BAIAP3: variants seen among roughly 807,000 people sequenced by gnomAD.
BAIAP3 encodes BAI1-associated protein 3.
Under a neutral mutation model 149.7 loss-of-function variants are expected in BAIAP3, and 180 were observed. The observed-to-expected ratio is 1.20, with a 90% confidence interval of 1.07 to 1.36. BAIAP3 has a LOEUF of 1.36. Ranked by LOEUF, BAIAP3 falls within the 40% of genes most tolerant of loss-of-function variation. The probability of loss-of-function intolerance (pLI) is 0.00; values close to 1 mark genes in which losing one functional copy is unlikely to be tolerated. For missense variants in BAIAP3, 1,767 were observed against 1,563.4 expected, an observed-to-expected ratio of 1.13 and a Z score of -2.20; for synonymous variants, 845 against 670.7, an observed-to-expected ratio of 1.26 and a Z score of -4.02.
rs111634777 is a variant in BAIAP3, at chr16:1,347,564, G to A, written c.2843G>A (p.Arg948Gln). 8.4e-5 allele frequency: 135 copies of A among 1,611,028 alleles called. 1 individual carries two copies. Among genetic ancestry groups the A allele is most frequent in the African/African-American group, 1.5e-4 (11 of 74,996 alleles). The change falls in exon 30 of 34, where the codon CGG (arginine) becomes CAG (glutamine). Residue 948 changes from arginine (R) to glutamine (Q), a missense_variant. Physicochemically the swap from Arg to Gln is conservative, Grantham distance 43. Transcript: ENST00000426824. ...GSYKRLKEEL[R>Q]LHKCSTRECI... ...CTGCAGAGGCTGAAGGAGGAGCTGC[G>A]GCTGCACAAATGTTCCACCCGCGAG...
At chr16:1,345,414 G>A (rs1567169493) in intron 22 of BAIAP3, 42 bp downstream of exon 22, 1 of 1,543,552 alleles carries the variant, frequency 6.5e-7, no homozygotes, top group Non-Finnish European at 8.8e-7. Context: ...GCTGGTCCAG[G>A]CCCCCAGCCT....
chr16:1,338,170 C>T (rs2033597223), intron 1 of BAIAP3, among the ~76,000 whole-genome samples: 1 of 152,132 alleles, frequency 6.6e-6, no homozygotes, highest in Admixed American at 6.5e-5. Flanking sequence ...ACAGGCGCCT[C>T]CTGCTGTGCT....
Position 1,347,553 on chromosome 16 carries a change from G to A in BAIAP3, c.2832G>A (p.Lys944=), listed in dbSNP as rs1290822474. 5.0e-6 allele frequency: 8 copies of A among 1,608,718 alleles called. No homozygotes were observed. The highest frequency in any genetic ancestry group is 3.3e-5 in the South Asian group (3 of 90,580). ...SLRDGSYKRL[K]EELRLHKCST... is the part of the protein sequence containing the mutation. ...TGCGCTTCCCCCTGCAGAGGCTGAA[G>A]GAGGAGCTGCGGCTGCACAAATGTT... Residue 944 remains lysine, a synonymous_variant, in exon 30 of 34, where the codon AAG becomes AAA. Coordinates refer to ENST00000426824, the MANE Select transcript of BAIAP3 (RefSeq NM_001199097.2).
rs2034454852 is a variant in BAIAP3 at position 1,347,442 on chromosome 16, T to G, written c.2823+73T>G. 6 of 1,593,464 alleles carry G rather than the reference T, an allele frequency of 3.8e-6. No homozygotes were observed. The African/African-American group carries it at 4.0e-5, about 11-fold the overall frequency. ...GTTCAAACTGCAGCCCCACACGGGC[T>G]GTGTCCTTGAGCATGAGGTGGCCCC... On this transcript the variant is annotated intron_variant, in intron 29 of 33. Transcript: ENST00000426824.
At position 1,338,514 on chromosome 16, in the gene BAIAP3, G is replaced by C. The variant is rs369256218; in HGVS notation, c.-10-26G>C. 75 of 1,587,486 alleles carry C rather than the reference G, an allele frequency of 4.7e-5. No individual in the cohort carries two copies. In the African/African-American group the frequency reaches 9.5e-4, roughly 20 times the overall value. Reference sequence around the variant, plus strand: ...CGGAGGGTTGAGTGGACGACCTGAGGCTGCGGGCTGTGCTCTCTGCTGTAG... The same window carrying C: ...CGGAGGGTTGAGTGGACGACCTGAGCCTGCGGGCTGTGCTCTCTGCTGTAG... On this transcript the variant is annotated intron_variant, in intron 1 of 33. Transcript: ENST00000426824.
rs1277686783 is a variant in BAIAP3, at chr16:1,347,610, G to C, written c.2889G>C (p.Leu963=). The change falls in exon 30 of 34, where the codon CTG becomes CTC. Residue 963 remains leucine, a synonymous_variant. Coordinates refer to ENST00000426824, the MANE Select transcript of BAIAP3 (RefSeq NM_001199097.2). ...GCGAGTGCATCGAGCAGTTCTACCT[G>C]GACAAGCTCAAACAGGTAGGGAGGC... ...STRECIEQFY[L]DKLKQRTLEQ... 2 of 1,612,940 alleles carry C rather than the reference G, an allele frequency of 1.2e-6. No individual in the cohort carries two copies. The highest frequency in any genetic ancestry group is 8.5e-7 in the Non-Finnish European group (1 of 1,179,972).
In BAIAP3 at chr16:1,342,639, G is replaced by C. The variant is rs375753020; in HGVS notation, c.1065+5G>C. The C allele has an allele frequency of 1.4e-5, 23 of 1,592,856 alleles. No individual in the cohort carries two copies. The highest frequency in any genetic ancestry group is 2.0e-5 in the Non-Finnish European group (23 of 1,170,578). On this transcript the variant is annotated splice_donor_5th_base_variant and intron_variant, in intron 12 of 33. Coordinates refer to ENST00000426824, the MANE Select transcript of BAIAP3 (RefSeq NM_001199097.2). ...CTCAAGCTGATCACTACGCAGGTGG[G>C]GAAAGTGGGCGTCCCCGTCCTCCAC...
At chr16:1,345,133 C>T (rs2034223835) in intron 21 of BAIAP3, 34 bp downstream of exon 21, 2 of 1,612,048 alleles carry the variant, frequency 1.2e-6, no homozygotes, top group African/African-American at 2.7e-5. Flanking sequence ...TGCAGACAGA[C>T]TTTGGGACCA....
intron 14 of BAIAP3, 66 bp from the exon 15 acceptor site, chr16:1,343,327 G>A: frequency 6.5e-7 from 1 of 1,547,256 alleles, no homozygotes; most frequent in East Asian, 2.4e-5. Context: ...TAGTGCTGTA[G>A]GCGGTGCTGA....
At position 1,339,131 on chromosome 16, in the gene BAIAP3, C is replaced by T. The variant is rs933210486; in HGVS notation, c.220-33C>T. The T allele has an allele frequency of 2.6e-5, 41 of 1,569,612 alleles. 1 individual carries two copies. In the East Asian group the frequency reaches 4.0e-4, roughly 15 times the overall value. ...GCTGCAGGCCTGGGGCTCTCCCTGC[C>T]GTCAGAGCCCTCACCCTGGGCCCCA... On this transcript the variant is annotated intron_variant, in intron 3 of 33. Transcript: ENST00000426824.
In BAIAP3 at chr16:1,346,956, G is replaced by T. The variant is rs1225420639; in HGVS notation, c.2751+1G>T. The T allele has an allele frequency of 6.2e-7, 1 of 1,603,540 alleles. No homozygotes were observed. Among genetic ancestry groups the T allele is most frequent in the Non-Finnish European group, 8.5e-7 (1 of 1,175,768 alleles). On this transcript the variant is annotated splice_donor_variant, in intron 28 of 33. Transcript: ENST00000426824. LOFTEE classifies it high-confidence loss of function. ...CAGCCGCTTCCATTTCACGCTGGAGGTAGAGCTCTGTGAAGGAGTCCTCCC... is the reference window on the plus strand; with the variant it reads ...CAGCCGCTTCCATTTCACGCTGGAGTTAGAGCTCTGTGAAGGAGTCCTCCC...
At position 1,339,193 on chromosome 16, in the gene BAIAP3, C is replaced by G. The variant is rs2033683471; in HGVS notation, c.249C>G (p.Pro83=). ...CCCTGCGCAGTGGCTCGCCAGCACCCCCGGAGCCTGTGGATCCCAGCCTCG... is the reference window on the plus strand; with the variant it reads ...CCCTGCGCAGTGGCTCGCCAGCACCGCCGGAGCCTGTGGATCCCAGCCTCG... ...EVPLRSGSPA[P]PEPVDPSLGL... Residue 83 remains proline, a synonymous_variant, in exon 4 of 34, where the codon CCC becomes CCG. Transcript: ENST00000426824. 6.4e-7 allele frequency: 1 copy of G among 1,565,420 alleles called. No individual in the cohort carries two copies. Among genetic ancestry groups the G allele is most frequent in the Admixed American group, 1.9e-5 (1 of 51,972 alleles).
Position 1,345,857 on chromosome 16 carries a change from C to T in BAIAP3, c.2175C>T (p.Ala725=). The stretch of plus-strand genomic sequence containing the variant: ...TGCGCCTGGCGTGGCCTGACCCTGC[C>T]CAGGCTCAGGGGCTGGGCACCCAGC... The part of the protein sequence containing the change: ...LWVRLAWPDP[A]QAQGLGTQLG... Residue 725 remains alanine, a synonymous_variant, in exon 23 of 34, where the codon GCC becomes GCT. Transcript: ENST00000426824. 2 of 1,580,188 alleles carry T rather than the reference C, an allele frequency of 1.3e-6. No individual in the cohort carries two copies. The highest frequency in any genetic ancestry group is 2.3e-5 in the East Asian group (1 of 43,508).
chr16:1,341,271 G>C, intron 7 of BAIAP3, 23 bp from the exon 8 acceptor site: 2 of 1,606,618 alleles, frequency 1.2e-6, no homozygotes, highest in Non-Finnish European at 1.7e-6. Flanking sequence ...TGGGGCCAGG[G>C]CTGAGACGCC....
intron 4 of BAIAP3, 59 bp from the exon 5 acceptor site, chr16:1,339,437 G>A: frequency 1.3e-6 from 2 of 1,535,686 alleles, no homozygotes; most frequent in Non-Finnish European, 1.8e-6. Flanking sequence ...GACAGGAGGT[G>A]CTGCTGAGGG....
chr16:1,339,661 C>T lies in BAIAP3; in HGVS notation c.408+58C>T, dbSNP rs2033722047. 1.2e-5 allele frequency: 16 copies of T among 1,340,520 alleles called. 1 individual carries two copies. Among genetic ancestry groups the T allele is most frequent in the Admixed American group, 1.9e-5 (1 of 52,648 alleles). The allele number at this position is 1,340,520 out of a possible 1,614,324, so 83.0% of individuals were successfully genotyped here. A position where few individuals can be genotyped will look rare whatever the true frequency, so the allele number is the denominator to read the frequency against. ...ACAGCTTCCCCACCTCAACCCCTTC[C>T]CCACCCACTGACACCATCATCACCC... On this transcript the variant is annotated intron_variant, in intron 5 of 33. Coordinates refer to ENST00000426824, the MANE Select transcript of BAIAP3 (RefSeq NM_001199097.2).
Position 1,344,112 on chromosome 16 carries a change from A to G in BAIAP3, c.1477A>G (p.Ser493Gly). 6.2e-7 allele frequency: 1 copy of G among 1,611,906 alleles called. No individual in the cohort carries two copies. Among genetic ancestry groups the G allele is most frequent in the Non-Finnish European group, 8.5e-7 (1 of 1,179,820 alleles). The stretch of plus-strand genomic sequence containing the variant: ...CCGAGACTACTTCCCTGCCACCAAC[A>G]GCACCGCTGTCCACCGCCTGGAGCT... Reference protein sequence around the residue: ...QLRDYFPATNSTAVHRLELLL... With the variant: ...QLRDYFPATNGTAVHRLELLL... The change falls in exon 16 of 34, where the codon AGC becomes GGC. Residue 493 changes from serine to glycine, a missense_variant. Ser to Gly is a moderately conservative substitution (Grantham distance 56). Transcript: ENST00000426824.
chr16:1,344,756 A>G, intron 19 of BAIAP3, 42 bp from the exon 20 acceptor site: 1 of 1,612,160 alleles, frequency 6.2e-7, no homozygotes, highest in Non-Finnish European at 8.5e-7. Context: ...CAGGGCCTGC[A>G]GGTGGGGCGC....
At chr16:1,344,919 G>A (rs750340813) in intron 20 of BAIAP3, 50 bp from the exon 21 acceptor site, 42 of 1,613,434 alleles carry the variant, frequency 2.6e-5, no homozygotes, top group South Asian at 1.9e-4. Context: ...TGGCTAGGAC[G>A]GTCCTGGGAT....
Sources: gnomAD v4.1 joint callset for allele counts (sites outside exome capture counted in the v4.1 genomes callset) on GRCh38, gnomAD v4.1.1 for gene constraint, MANE v1.5 for transcripts, NCBI Gene and HGNC (gene_info 2026-07-23, HGNC 2026-07-21) for gene names.